The following CSMD1 variants were observed in gnomAD, a reference collection of about 807,000 sequenced individuals.
The protein encoded by CSMD1 is CUB and sushi domain-containing protein 1.
Under a neutral mutation model 417.5 loss-of-function variants are expected in CSMD1, and 213 were observed. The observed-to-expected ratio is 0.51, with a 90% CI of 0.46 to 0.57. CSMD1 has a LOEUF of 0.57. Ranked by LOEUF, CSMD1 falls within the 20% of genes least tolerant of loss-of-function variation. The probability of loss-of-function intolerance (pLI) is 0.00; values close to 1 mark genes in which losing one functional copy is unlikely to be tolerated. For missense variants in CSMD1, 6,923 were observed against 4,529.7 expected (o/e 1.53, Z -15.17); for synonymous variants, 2,862 against 1,736.8 (o/e 1.65, Z -16.11).
At chr8:3,814,565 A>G (rs1585037591) in intron 5 of CSMD1, among the ~76,000 whole-genome samples, 1 of 152,184 alleles carries the variant, frequency 6.6e-6, no homozygotes, top group African/African-American at 2.4e-5. Flanking sequence ...CAGGGTGGAT[A>G]CCACTTGCAC....
intron 3 of CSMD1, among the ~76,000 whole-genome samples, chr8:4,215,782 G>C (rs976814705): frequency 2.0e-5 from 3 of 151,920 alleles, no homozygotes; most frequent in Admixed American, 6.6e-5. Flanking sequence ...TTTCTTGGTG[G>C]AATATCTATT....
At chr8:3,952,725 C>G (rs896938261) in intron 5 of CSMD1, among the ~76,000 whole-genome samples, 2 of 152,106 alleles carry the variant, frequency 1.3e-5, no homozygotes, top group East Asian at 3.9e-4. Flanking sequence ...CTGAATTGGA[C>G]ATTTTAAAAT....
intron 5 of CSMD1, among the ~76,000 whole-genome samples, chr8:3,765,733 C>T (rs1043440351): frequency 5.9e-5 from 9 of 152,276 alleles, no homozygotes; most frequent in African/African-American, 1.4e-4. Flanking sequence ...CAGGTGGGGG[C>T]GCCCAGGGGG....
At chr8:3,757,748 C>G (rs915756582) in intron 5 of CSMD1, among the ~76,000 whole-genome samples, 1 of 151,920 alleles carries the variant, frequency 6.6e-6, no homozygotes, top group African/African-American at 2.4e-5. Flanking sequence ...AATCGGGAGG[C>G]TGAGGCAAGA....
At position 4,276,656 on chromosome 8, in the gene CSMD1, A is replaced by C. The variant is rs372809741; in HGVS notation, c.415+143297T>G. Among the ~76,000 whole-genome samples, 5 of 152,278 alleles carry C rather than the reference A, an allele frequency of 3.3e-5. No individual in the cohort carries two copies. In the South Asian group the frequency reaches 1.0e-3, roughly 32 times the overall value. Reference sequence around the variant, plus strand: ...AAGTGAAGTAGTGATTCAAAGTCTTATTTTCCTTCTGGTCATTGATTCAGG... The same window carrying C: ...AAGTGAAGTAGTGATTCAAAGTCTTCTTTTCCTTCTGGTCATTGATTCAGG... On this transcript the variant is annotated intron_variant, in intron 3 of 69. Transcript: ENST00000635120.
chr8:3,842,003 T>C (rs996283823), intron 5 of CSMD1, among the ~76,000 whole-genome samples: 6 of 152,206 alleles, frequency 3.9e-5, no homozygotes, highest in Admixed American at 3.3e-4. Context: ...CATCAATTTG[T>C]ATATCGAGTT....
chr8:4,678,878 T>TA (rs1805856508), intron 1 of CSMD1, among the ~76,000 whole-genome samples: 1 of 152,222 alleles, frequency 6.6e-6, no homozygotes, highest in Non-Finnish European at 1.5e-5. Flanking sequence ...TCTGTCATTG[T>TA]AAAAAGTTTA....
chr8:3,833,941 G>C (rs564863116), intron 5 of CSMD1, among the ~76,000 whole-genome samples: 49 of 152,222 alleles, frequency 3.2e-4, no homozygotes, highest in African/African-American at 8.2e-4. Flanking sequence ...TTGGTTGGTT[G>C]TTGCTGTTGT....
intron 1 of CSMD1, among the ~76,000 whole-genome samples, chr8:4,648,508 C>A (rs1803680134): frequency 6.6e-6 from 1 of 152,222 alleles, no homozygotes; most frequent in Non-Finnish European, 1.5e-5. Context: ...CACACACATG[C>A]CTGCTTTCTC....
At chr8:4,109,600 T>C (rs149402101) in intron 3 of CSMD1, among the ~76,000 whole-genome samples, 1 of 152,180 alleles carries the variant, frequency 6.6e-6, no homozygotes, top group African/African-American at 2.4e-5. Flanking sequence ...GCATTTGCCT[T>C]TGGATATTGT....
chr8:4,304,410 A>T (rs11783952), intron 3 of CSMD1, among the ~76,000 whole-genome samples: 115,445 of 152,070 alleles, frequency 0.76, 43,908 homozygotes, highest in East Asian at 0.85. Context: ...ACCATCTAAG[A>T]GCGACAGAAG....
chr8:4,233,521 A>G (rs1348595146), intron 3 of CSMD1, among the ~76,000 whole-genome samples: 2 of 152,186 alleles, frequency 1.3e-5, no homozygotes, highest in Non-Finnish European at 2.9e-5. Context: ...CTTATAAAAG[A>G]GGACGCAGAG....
At chr8:4,688,397 A>G (rs368046339) in intron 1 of CSMD1, among the ~76,000 whole-genome samples, 13 of 152,148 alleles carry the variant, frequency 8.5e-5, no homozygotes, top group Admixed American at 3.9e-4. Context: ...GGCCTAATTA[A>G]TGCTCTGACA....
chr8:3,171,947 C>T (rs576278567), intron 37 of CSMD1, among the ~76,000 whole-genome samples: 26 of 152,240 alleles, frequency 1.7e-4, no homozygotes, highest in African/African-American at 5.1e-4. Context: ...ACAGTTTTCC[C>T]TTTCTGTAGC....
intron 2 of CSMD1, among the ~76,000 whole-genome samples, chr8:4,518,264 G>T (rs1017002450): frequency 1.3e-5 from 2 of 152,084 alleles, no homozygotes; most frequent in Admixed American, 6.6e-5. Context: ...ACACAAAACA[G>T]CAGCATCCGA....
At chr8:4,194,070 T>C (rs544753276) in intron 3 of CSMD1, among the ~76,000 whole-genome samples, 21 of 152,254 alleles carry the variant, frequency 1.4e-4, no homozygotes, top group African/African-American at 4.8e-4. Flanking sequence ...AAAAAATATA[T>C]TAACAATTTC....
At chr8:3,957,707 G>C (rs1388170915) in intron 5 of CSMD1, among the ~76,000 whole-genome samples, 1 of 112,288 alleles carries the variant, frequency 8.9e-6, no homozygotes, top group African/African-American at 2.9e-5. Flanking sequence ...AAGAGAAGAG[G>C]AAAAGAGAAA....
At chr8:3,849,507 TGA>T (rs1803738490) in intron 5 of CSMD1, among the ~76,000 whole-genome samples, 1 of 152,166 alleles carries the variant, frequency 6.6e-6, no homozygotes, top group Admixed American at 6.5e-5. Flanking sequence ...AATGAGTAAA[TGA>T]GTAGCTCGAC....
intron 5 of CSMD1, among the ~76,000 whole-genome samples, chr8:3,912,956 G>C (rs965928565): frequency 6.6e-6 from 1 of 152,182 alleles, no homozygotes; most frequent in Non-Finnish European, 1.5e-5. Context: ...AACATGGATT[G>C]AGAGGAGTAA....
Sources: gnomAD v4.1 joint callset for allele counts (sites outside exome capture counted in the v4.1 genomes callset) on GRCh38, gnomAD v4.1.1 for gene constraint, MANE v1.5 for transcripts, NCBI Gene and HGNC (gene_info 2026-07-23, HGNC 2026-07-21) for gene names.